CELSR1: variants seen among roughly 807,000 people sequenced by gnomAD.
CELSR1 encodes cadherin EGF LAG seven-pass G-type receptor 1, also known as adhesion G protein-coupled receptor C1.
Under a neutral mutation model 249.1 loss-of-function variants are expected in CELSR1, and 110 were observed. The ratio of observed to expected loss-of-function variants is 0.44; its 90% confidence interval spans 0.38 to 0.52. The LOEUF (loss-of-function observed/expected upper bound fraction) is 0.52, where lower values mean the gene tolerates loss of function less well. Ranked by LOEUF, CELSR1 falls within the 20% of genes least tolerant of loss-of-function variation. The pLI, the probability that CELSR1 is intolerant of heterozygous loss-of-function variation, is 0.00. For missense variants in CELSR1, 4,109 were observed against 4,296.4 expected, an observed-to-expected ratio of 0.96 and a Z score of 1.22; for synonymous variants, 2,113 against 1,900.0, an observed-to-expected ratio of 1.11 and a Z score of -2.92.
At chr22:46,520,046 A>G (rs912641767) in intron 1 of CELSR1, among the ~76,000 whole-genome samples, 2 of 150,750 alleles carry the variant, frequency 1.3e-5, no homozygotes, top group African/African-American at 4.9e-5. Flanking sequence ...TAATTTTTGT[A>G]TTTTTTTAGT....
rs1602153487 is a variant in CELSR1, at chr22:46,450,806, C to G, written c.4184-11395G>C. 2.0e-5 allele frequency among the ~76,000 whole-genome samples: 3 copies of G among 152,322 alleles called. No homozygotes were observed. In the Middle Eastern group the frequency reaches 0.01, roughly 522 times the overall value. ...AGAGGTTTCCTGAGCAAGATCCTGG[C>G]TAGTGCCTCAGTTTCCCCAGCTGTA... On this transcript the variant is annotated intron_variant, in intron 2 of 34. Coordinates refer to ENST00000674500, the MANE Select transcript of CELSR1 (RefSeq NM_001378328.1).
intron 25 of CELSR1, 58 bp downstream of exon 25, chr22:46,372,825 C>G: frequency 6.5e-7 from 1 of 1,542,884 alleles, no homozygotes; most frequent in African/African-American, 1.4e-5. Context: ...CGTTCCTGCA[C>G]AGCTGGGGTC....
At chr22:46,492,914 A>G (rs1374183162) in intron 1 of CELSR1, among the ~76,000 whole-genome samples, 1 of 152,178 alleles carries the variant, frequency 6.6e-6, no homozygotes. Flanking sequence ...CAAAAAGAGC[A>G]TGGAAAACAT....
At chr22:46,367,520 G>A (rs1006120496) in intron 28 of CELSR1, among the ~76,000 whole-genome samples, 4 of 152,216 alleles carry the variant, frequency 2.6e-5, no homozygotes, top group African/African-American at 4.8e-5. Context: ...CCTGGCACTA[G>A]GGTCATCGTC....
chr22:46,478,207 G>A (rs1031664688), intron 1 of CELSR1, among the ~76,000 whole-genome samples: 1 of 152,160 alleles, frequency 6.6e-6, no homozygotes. Flanking sequence ...TGCGCCTCCC[G>A]ACAGCGCCGT....
chr22:46,524,194 TACC>T (rs2080714286), intron 1 of CELSR1, among the ~76,000 whole-genome samples: 4 of 152,220 alleles, frequency 2.6e-5, no homozygotes, highest in Admixed American at 2.6e-4. Context: ...TCTCTGCCCT[TACC>T]ATGGGGATCC....
Position 46,399,682 on chromosome 22 carries a change from G to C in CELSR1, c.5412+35C>G. ...TGTTTTTCCCTGGGCCGGAGGAAGGGTCTATCCCCAGAGGAGGTGCAGGTG... is the reference window on the plus strand; with the variant it reads ...TGTTTTTCCCTGGGCCGGAGGAAGGCTCTATCCCCAGAGGAGGTGCAGGTG... On this transcript the variant is annotated intron_variant, in intron 10 of 34. Transcript: ENST00000674500. The surrounding 1 kb of genome is among the most constrained non-coding windows in gnomAD (Gnocchi z 5.0). 1 of 1,602,596 alleles carries C rather than the reference G, an allele frequency of 6.2e-7. No homozygotes were observed. The highest frequency in any genetic ancestry group is 8.5e-7 in the Non-Finnish European group (1 of 1,169,842).
intron 3 of CELSR1, 29 bp downstream of exon 3, chr22:46,439,160 C>G (rs372725590): frequency 6.3e-7 from 1 of 1,592,946 alleles, no homozygotes; most frequent in East Asian, 2.2e-5. Flanking sequence ...AAAGAGACCC[C>G]CGTGTGGCGC....
intron 5 of CELSR1, among the ~76,000 whole-genome samples, chr22:46,431,166 C>T (rs1445582633): frequency 6.6e-6 from 1 of 152,258 alleles, no homozygotes; most frequent in Non-Finnish European, 1.5e-5. Flanking sequence ...AGGCCCCTCT[C>T]CTCCGGGACA....
rs970883936 is a variant in CELSR1 at position 46,446,134 on chromosome 22, C to T, written c.4184-6723G>A. Among the ~76,000 whole-genome samples the T allele has an allele frequency of 1.3e-5, 2 of 152,200 alleles. No homozygotes were observed. Among genetic ancestry groups the T allele is most frequent in the Admixed American group, 6.5e-5 (1 of 15,288 alleles). On this transcript the variant is annotated intron_variant, in intron 2 of 34. Transcript: ENST00000674500. The surrounding 1 kb of genome is among the most constrained non-coding windows in gnomAD (Gnocchi z 5.5). ...AGCCCCCAGCCACACACCCAGCCCC[C>T]TCCACACCATACTCACGAGCCTGTG...
intron 19 of CELSR1, 122 bp downstream of exon 19, chr22:46,386,280 T>G: frequency 4.3e-6 from 5 of 1,159,426 alleles, no homozygotes; most frequent in Non-Finnish European, 5.9e-6. Flanking sequence ...TCACAATCAT[T>G]TTTCTAAGAG....
chr22:46,474,441 C>T (rs554190113), intron 1 of CELSR1, among the ~76,000 whole-genome samples: 2 of 152,250 alleles, frequency 1.3e-5, no homozygotes, highest in Admixed American at 6.5e-5. Flanking sequence ...GACAAGCACC[C>T]CCGGCGGCCA....
intron 2 of CELSR1, among the ~76,000 whole-genome samples, chr22:46,462,621 T>A (rs2080043576): frequency 7.1e-6 from 1 of 141,046 alleles, no homozygotes; most frequent in East Asian, 2.1e-4. Context: ...ATGAACCAAA[T>A]CCTGCCTAAT....
chr22:46,414,370 G>C (rs986520319), intron 5 of CELSR1, among the ~76,000 whole-genome samples: 2 of 152,262 alleles, frequency 1.3e-5, no homozygotes, highest in African/African-American at 4.8e-5. Context: ...GGGCTGCACA[G>C]AGGAGCGGGG....
chr22:46,386,308 C>T (rs758388268), intron 19 of CELSR1, 94 bp downstream of exon 19: 34 of 1,343,408 alleles, frequency 2.5e-5, no homozygotes, highest in East Asian at 2.5e-4. Flanking sequence ...AAGGGGGGGC[C>T]GGGAGCCCAC....
At chr22:46,371,931 GCTCA>G (rs932615929) in intron 25 of CELSR1, among the ~76,000 whole-genome samples, 4 of 130,432 alleles carry the variant, frequency 3.1e-5, no homozygotes, top group Admixed American at 7.8e-5. Context: ...CCACCCATCT[GCTCA>G]CTCACTCAGC....
chr22:46,364,393 CTG>C (rs970779293), intron 33 of CELSR1, 117 bp downstream of exon 33: 1 of 1,490,624 alleles, frequency 6.7e-7, no homozygotes, highest in African/African-American at 1.4e-5. Flanking sequence ...GAGGCCACGT[CTG>C]TTCTGCCCAG....
intron 2 of CELSR1, among the ~76,000 whole-genome samples, chr22:46,455,827 C>T (rs2079942560): frequency 6.6e-6 from 1 of 152,188 alleles, no homozygotes; most frequent in Non-Finnish European, 1.5e-5. Flanking sequence ...AGATATCTGG[C>T]TACATTGACC....
intron 1 of CELSR1, among the ~76,000 whole-genome samples, chr22:46,478,633 C>G (rs1354424289): frequency 6.6e-6 from 1 of 151,886 alleles, no homozygotes; most frequent in Non-Finnish European, 1.5e-5. Flanking sequence ...ACCTCTGCCT[C>G]CCGGGTTCAA....
Sources: gnomAD v4.1 joint callset for allele counts (sites outside exome capture counted in the v4.1 genomes callset) on GRCh38, gnomAD v4.1.1 for gene constraint, Gnocchi (gnomAD v3.1) non-coding constraint, MANE v1.5 for transcripts, NCBI Gene and HGNC (gene_info 2026-07-23, HGNC 2026-07-21) for gene names.